PPP1R1B: variants seen among roughly 807,000 people sequenced by gnomAD.
The protein encoded by PPP1R1B is protein phosphatase 1 regulatory inhibitor subunit 1B, also known as protein phosphatase 1 regulatory subunit 1B.
PPP1R1B carries 13 observed loss-of-function variants against 28.2 expected under a neutral mutation model. The ratio of observed to expected loss-of-function variants is 0.46; its 90% CI spans 0.30 to 0.73. The LOEUF (loss-of-function observed/expected upper bound fraction) is 0.73, where lower values mean the gene tolerates loss of function less well. Ranked by LOEUF, PPP1R1B falls within the 30% of genes least tolerant of loss-of-function variation. The pLI, the probability that PPP1R1B is intolerant of heterozygous loss-of-function variation, is 0.07. For synonymous variants in PPP1R1B, 102 were observed against 97.5 expected, an observed-to-expected ratio of 1.05 and a Z score of -0.27; for missense variants, 236 against 256.7, an observed-to-expected ratio of 0.92 and a Z score of 0.55.
intron 3 of PPP1R1B, among the ~76,000 whole-genome samples, 178 bp downstream of exon 3, chr17:39,629,740 T>C (rs574350062): frequency 5.9e-5 from 9 of 152,338 alleles, no homozygotes; most frequent in African/African-American, 1.9e-4. Context: ...GATCCTCCTC[T>C]GCTCAGACTC....
chr17:39,634,932 A>T (rs1011000212), intron 5 of PPP1R1B, among the ~76,000 whole-genome samples: 8 of 152,264 alleles, frequency 5.3e-5, no homozygotes, highest in African/African-American at 1.7e-4. Context: ...GCGGTGGCTC[A>T]TGCCTGTAAT....
intron 4 of PPP1R1B, chr17:39,633,042 AC>A (rs1463698985): frequency 6.5e-6 from 1 of 152,836 alleles, no homozygotes. Flanking sequence ...ATCCCCCAGA[AC>A]CCCTGGCCTT....
chr17:39,635,629 C>A lies in PPP1R1B; in HGVS notation c.468C>A (p.Gly156=), dbSNP rs1157450866. The stretch of plus-strand genomic sequence containing the variant: ...CAGCTGGGCAAAAGACAACCTGTGG[C>A]CAGGGTCTGGAAGGGCCCTGGGAGC... ...RQSAGQKTTC[G]QGLEGPWERP... Residue 156 remains glycine (G), a synonymous_variant, in exon 6 of 7, where the codon GGC becomes GGA. Transcript: ENST00000254079. 7.4e-6 allele frequency: 12 copies of A among 1,614,060 alleles called. No homozygotes were observed. The highest frequency in any genetic ancestry group is 8.5e-6 in the Non-Finnish European group (10 of 1,179,944).
chr17:39,629,556 C>A lies in PPP1R1B; in HGVS notation c.159C>A (p.Pro53=). 1.2e-6 allele frequency: 2 copies of A among 1,613,800 alleles called. No homozygotes were observed. Among genetic ancestry groups the A allele is most frequent in the Non-Finnish European group, 1.7e-6 (2 of 1,179,948 alleles). ...CTTCCTCAGAGGAGGAAGCCTCCCC[C>A]CACCAGGTGAGTTTCCTGGGGCAGC... ...EHSSPEEEAS[P]HQRASGEGHH... The change falls in exon 3 of 7, where the codon CCC becomes CCA. Residue 53 remains proline, a synonymous_variant. Coordinates refer to ENST00000254079, the MANE Select transcript of PPP1R1B (RefSeq NM_032192.4).
intron 1 of PPP1R1B, among the ~76,000 whole-genome samples, chr17:39,627,957 C>T (rs1003558301): frequency 3.3e-5 from 5 of 152,138 alleles, no homozygotes; most frequent in African/African-American, 9.7e-5. Context: ...TCTCTAATCC[C>T]GCGTGTGTGC....
chr17:39,629,291 G>T, intron 2 of PPP1R1B, 61 bp downstream of exon 2: 1 of 1,538,626 alleles, frequency 6.5e-7, no homozygotes, highest in East Asian at 2.2e-5. Context: ...CTTCCTAGGG[G>T]CCCTGCCAAA....
chr17:39,635,325 C>T (rs530830926), intron 5 of PPP1R1B, among the ~76,000 whole-genome samples: 5 of 152,328 alleles, frequency 3.3e-5, no homozygotes, highest in Non-Finnish European at 7.4e-5. Flanking sequence ...CTAGTGGCTC[C>T]TGGGTGCTGG....
chr17:39,628,670 G>A lies in PPP1R1B; in HGVS notation c.82-500G>A, dbSNP rs999982651. 12 of 986,348 alleles carry A rather than the reference G, an allele frequency of 1.2e-5. No individual in the cohort carries two copies. The African/African-American group carries it at 2.1e-4, about 17-fold the overall frequency. The allele number at this position is 986,348 out of a possible 1,614,324, so 61.1% of individuals were successfully genotyped here. A position where few individuals can be genotyped will look rare whatever the true frequency, so the allele number is the denominator to read the frequency against. On this transcript the variant is annotated intron_variant, in intron 1 of 6. Transcript: ENST00000254079. ...TGGCTCAGTCTCCTTCTGAAAAGCT[G>A]GATCCAGCTTGTTTGAAGCCCTTGA...
chr17:39,630,228 G>A lies in PPP1R1B; in HGVS notation c.241+181G>A, dbSNP rs1420842480. On this transcript the variant is annotated intron_variant, in intron 4 of 6. Transcript: ENST00000254079. ...CAGTCTGGCCTTGCAAAACACAGGA[G>A]TCCCGAGGCTGCAATGGGCAGCTAT... is the stretch of plus-strand genomic sequence containing the variant. The A allele has an allele frequency of 4.3e-5, 26 of 603,896 alleles. No individual in the cohort carries two copies. In the South Asian group the frequency reaches 4.5e-4, roughly 10 times the overall value. 37.4% of individuals were successfully genotyped at this position (603,896 alleles called of 1,614,324 possible).
At chr17:39,631,587 AAG>A (rs1446562762) in intron 4 of PPP1R1B, among the ~76,000 whole-genome samples, 2 of 152,132 alleles carry the variant, frequency 1.3e-5, no homozygotes, top group African/African-American at 4.8e-5. Context: ...GAGCTACCGG[AAG>A]AGTATGCTGG....
chr17:39,635,841 T>C lies in PPP1R1B; in HGVS notation c.591T>C (p.Pro197=). ...AGCCTGGGGAGGAACCTCAGCGCCC[T>C]TCCCCCTCTGAGCCTGGCACATAGG... ...LSEPGEEPQR[P]SPSEPGT is the part of the protein sequence containing the mutation. Residue 197 remains proline, a synonymous_variant, in exon 7 of 7, where the codon CCT becomes CCC. Transcript: ENST00000254079. 6.2e-7 allele frequency: 1 copy of C among 1,613,486 alleles called. No individual in the cohort carries two copies. The highest frequency in any genetic ancestry group is 8.5e-7 in the Non-Finnish European group (1 of 1,179,990).
At position 39,635,345 on chromosome 17, in the gene PPP1R1B, G is replaced by A. The variant is rs7212726; in HGVS notation, c.446-262G>A. On this transcript the variant is annotated intron_variant, in intron 5 of 6. Transcript: ENST00000254079. ...GGCTCCTGGGTGCTGGCGCTGGGCT[G>A]GGCAGGGTATTCACTATTACATCTT... Among the ~76,000 whole-genome samples the A allele has an allele frequency of 5.5e-3, 830 of 152,260 alleles. 9 individuals carry two copies. The highest frequency in any genetic ancestry group is 0.019 in the African/African-American group (781 of 41,540).
At chr17:39,628,675 C>T in intron 1 of PPP1R1B, 2 of 986,536 alleles carry the variant, frequency 2.0e-6, no homozygotes. Flanking sequence ...AAGCTGGATC[C>T]AGCTTGTTTG....
chr17:39,627,561 T>G, intron 1 of PPP1R1B, 88 bp downstream of exon 1: 2 of 855,332 alleles, frequency 2.3e-6, no homozygotes, highest in Non-Finnish European at 3.4e-6. Context: ...CCGGCCGGAC[T>G]GGCCTGGGGG....
chr17:39,634,832 C>T (rs2056905460), intron 5 of PPP1R1B, among the ~76,000 whole-genome samples: 1 of 152,200 alleles, frequency 6.6e-6, no homozygotes, highest in Non-Finnish European at 1.5e-5. Flanking sequence ...GCTGGAAGAC[C>T]TGAATCAGTC....
At chr17:39,634,242 C>A (rs2056900650) in intron 5 of PPP1R1B, among the ~76,000 whole-genome samples, 156 bp downstream of exon 5, 1 of 152,228 alleles carries the variant, frequency 6.6e-6, no homozygotes, top group African/African-American at 2.4e-5. Context: ...CCGAACTCAG[C>A]CCTACCTGAG....
chr17:39,634,023 G>T lies in PPP1R1B; in HGVS notation c.382G>T (p.Asp128Tyr). ...GGAAGATGAGGAGGAAGAGGAGGATGATGAAGAAGAGGAAGAAGAAGAGGA... is the reference window on the plus strand; with the variant it reads ...GGAAGATGAGGAGGAAGAGGAGGATTATGAAGAAGAGGAAGAAGAAGAGGA... ...REEDEEEEED[D>Y]EEEEEEEDSQ... Residue 128 changes from aspartate to tyrosine, a missense_variant, in exon 5 of 7, where the codon GAT becomes TAT. Transcript: ENST00000254079. 6.2e-7 allele frequency: 1 copy of T among 1,613,930 alleles called. No homozygotes were observed. The highest frequency in any genetic ancestry group is 2.2e-5 in the East Asian group (1 of 44,880).
intron 1 of PPP1R1B, chr17:39,628,784 GC>G: frequency 1.2e-6 from 1 of 865,822 alleles, no homozygotes. Flanking sequence ...TGGAGCTGTA[GC>G]CAGCTTTGGC....
intron 5 of PPP1R1B, 41 bp downstream of exon 5, chr17:39,634,127 C>A: frequency 1.2e-6 from 2 of 1,610,526 alleles, no homozygotes; most frequent in South Asian, 2.2e-5. Flanking sequence ...AGCTGTGGGT[C>A]CTCCTTGAGT....
Sources: allele counts gnomAD v4.1 joint callset (sites outside exome capture counted in the v4.1 genomes callset), GRCh38; gene constraint gnomAD v4.1.1; transcripts MANE v1.5; gene names NCBI Gene and HGNC (gene_info 2026-07-23, HGNC 2026-07-21).